ASB7: variants seen among roughly 807,000 people sequenced by gnomAD.
ASB7 encodes the protein ankyrin repeat and SOCS box containing 7, also known as ankyrin repeat and SOCS box protein 7.
ASB7 carries 4 observed loss-of-function variants against 32.5 expected under a neutral mutation model. The observed-to-expected ratio is 0.12, with a 90% CI of 0.06 to 0.28. The LOEUF (loss-of-function observed/expected upper bound fraction) is 0.28. Among genes scored for constraint, ASB7 ranks in the 10% least tolerant of loss-of-function variants. The pLI, the probability that ASB7 is intolerant of heterozygous loss-of-function variation, is 1.00. For synonymous variants in ASB7, 172 were observed against 155.6 expected (o/e 1.11, Z -0.78); for missense variants, 181 against 407.1 (o/e 0.44, Z 4.78).
In ASB7 at chr15:100,629,966, A is replaced by T; in HGVS notation, c.741A>T (p.Gly247=). ...GADTNTRNYE[G]QTPLAVSISI... is the part of the protein sequence containing the mutation. The stretch of plus-strand genomic sequence containing the variant: ...ACACGAACACACGGAACTATGAAGG[A>T]CAGACCCCATTGGCTGTTTCAATAA... Residue 247 remains glycine (G), a synonymous_variant, in exon 5 of 6, where the codon GGA becomes GGT. Transcript: ENST00000332783. This position sits in a 1 kb window ranked among gnomAD's most constrained non-coding sequence, Gnocchi z 6.8. 6.2e-7 allele frequency: 1 copy of T among 1,614,184 alleles called. No homozygotes were observed. The highest frequency in any genetic ancestry group is 8.5e-7 in the Non-Finnish European group (1 of 1,180,006).
intron 4 of ASB7, among the ~76,000 whole-genome samples, chr15:100,618,055 A>G (rs1287802286): frequency 1.3e-5 from 2 of 152,322 alleles, no homozygotes; most frequent in African/African-American, 2.4e-5. Context: ...CCTGGGCTCA[A>G]GCAGTCCTCC....
At chr15:100,621,141 T>G (rs1369545433) in intron 4 of ASB7, among the ~76,000 whole-genome samples, 1 of 152,240 alleles carries the variant, frequency 6.6e-6, no homozygotes, top group African/African-American at 2.4e-5. Context: ...TTTAGCAGTA[T>G]GTATTGAAGT....
chr15:100,623,720 C>G (rs1170202106), intron 4 of ASB7, among the ~76,000 whole-genome samples: 1 of 151,650 alleles, frequency 6.6e-6, no homozygotes, highest in Non-Finnish European at 1.5e-5. Context: ...ATCCAGCAGT[C>G]AAAGAAAACT....
rs74555316 is a variant in ASB7, at chr15:100,631,523, A to G, written c.817+1481A>G. 9.7e-3 allele frequency among the ~76,000 whole-genome samples: 1,470 copies of G among 152,190 alleles called. 33 individuals are homozygous for G. Among genetic ancestry groups the G allele is most frequent in the African/African-American group, 0.034 (1,399 of 41,536 alleles). Reference sequence around the variant, plus strand: ...TGCTTGCCTTGTTGTTGTTCTCTCAACTTCTACATTAGAGACTTAGTTATG... The same window carrying G: ...TGCTTGCCTTGTTGTTGTTCTCTCAGCTTCTACATTAGAGACTTAGTTATG... On this transcript the variant is annotated intron_variant, in intron 5 of 5. Transcript: ENST00000332783.
At chr15:100,615,389 C>T (rs777534093) in intron 4 of ASB7, among the ~76,000 whole-genome samples, 36 of 152,190 alleles carry the variant, frequency 2.4e-4, no homozygotes, top group Non-Finnish European at 3.5e-4. Flanking sequence ...AAAACATTGT[C>T]ATTACCCCCA....
intron 4 of ASB7, among the ~76,000 whole-genome samples, chr15:100,628,390 GTAT>G (rs148032195): frequency 9.8e-5 from 15 of 152,316 alleles, no homozygotes; most frequent in African/African-American, 3.6e-4. Flanking sequence ...CTGTGTGTGT[GTAT>G]GTATGTGTAG....
At chr15:100,646,305 A>C (rs961034101) in intron 5 of ASB7, 1 of 390,312 alleles carries the variant, frequency 2.6e-6, no homozygotes, top group East Asian at 5.9e-5. Context: ...TCTCATCATA[A>C]GAACCAGTCA....
In ASB7 at chr15:100,649,552, T is replaced by C. The variant is rs1022210081; in HGVS notation, c.*1090T>C. On this transcript the variant is annotated 3_prime_UTR_variant, in exon 6 of 6. Transcript: ENST00000332783. ...AAAAAAACTTTTTAAGCGTAAAATC[T>C]TTAAGGGGTACACATTTATAAGTCT... is the stretch of plus-strand genomic sequence containing the variant. 2.6e-5 allele frequency: 4 copies of C among 152,224 alleles called. No individual in the cohort carries two copies. Among genetic ancestry groups the C allele is most frequent in the African/African-American group, 9.6e-5 (4 of 41,460 alleles). 9.4% of individuals were successfully genotyped at this position (152,224 alleles called of 1,614,324 possible).
chr15:100,637,576 G>A (rs1183220561), intron 5 of ASB7, among the ~76,000 whole-genome samples: 2 of 152,160 alleles, frequency 1.3e-5, no homozygotes, highest in Admixed American at 6.5e-5. Flanking sequence ...ATGGATAAAC[G>A]ATCCATTTCA....
At position 100,627,790 on chromosome 15, in the gene ASB7, G is replaced by A. The variant is rs571001145; in HGVS notation, c.212-1647G>A. On this transcript the variant is annotated intron_variant, in intron 4 of 5. Transcript: ENST00000332783. Reference sequence around the variant, plus strand: ...GATTAAGAGGGAATGTCTGCCAGCAGTTGACTGGCCAGGTATAGATTAGAA... The same window carrying A: ...GATTAAGAGGGAATGTCTGCCAGCAATTGACTGGCCAGGTATAGATTAGAA... Among the ~76,000 whole-genome samples the A allele has an allele frequency of 2.6e-5, 4 of 152,330 alleles. No homozygotes were observed. The East Asian group carries it at 7.7e-4, about 29-fold the overall frequency.
chr15:100,606,108 T>C (rs892093666), intron 2 of ASB7, among the ~76,000 whole-genome samples: 4 of 152,212 alleles, frequency 2.6e-5, no homozygotes, highest in African/African-American at 9.6e-5. Context: ...ATCTCAGCCA[T>C]GTTCTCCGTT....
At chr15:100,635,566 C>G (rs1043855271) in intron 5 of ASB7, among the ~76,000 whole-genome samples, 1 of 152,160 alleles carries the variant, frequency 6.6e-6, no homozygotes, top group African/African-American at 2.4e-5. Flanking sequence ...GTTTCTGTCC[C>G]GTGTCTTGGC....
At chr15:100,623,914 A>T (rs1357453671) in intron 4 of ASB7, among the ~76,000 whole-genome samples, 2 of 152,250 alleles carry the variant, frequency 1.3e-5, no homozygotes, top group Non-Finnish European at 2.9e-5. Context: ...AGCACTATTC[A>T]CAATAGCAAA....
At chr15:100,614,575 A>G (rs1268640329) in intron 4 of ASB7, among the ~76,000 whole-genome samples, 1 of 152,068 alleles carries the variant, frequency 6.6e-6, no homozygotes, top group Non-Finnish European at 1.5e-5. Flanking sequence ...GTGTTCCAGT[A>G]AAACTTTATC....
chr15:100,624,904 A>T (rs545523948), intron 4 of ASB7, among the ~76,000 whole-genome samples: 20 of 43,788 alleles, frequency 4.6e-4, no homozygotes, highest in African/African-American at 6.6e-4. Flanking sequence ...ATTGGTGTAT[A>T]AAAAAAAATA....
chr15:100,615,647 C>T (rs143017232), intron 4 of ASB7, among the ~76,000 whole-genome samples: 1 of 152,332 alleles, frequency 6.6e-6, no homozygotes, highest in East Asian at 1.9e-4. Context: ...GTCCTTTACT[C>T]TTCTTCTAGA....
chr15:100,629,777 G>A lies in ASB7; in HGVS notation c.552G>A (p.Leu184=). ...TCGACATTCAGAATGGTTTCCTGTTGCGATACGCCGTGATCAAAAGCAATC... is the reference window on the plus strand; with the variant it reads ...TCGACATTCAGAATGGTTTCCTGTTACGATACGCCGTGATCAAAAGCAATC... ...ANIDIQNGFL[L]RYAVIKSNHS... Residue 184 remains leucine (L), a synonymous_variant, in exon 5 of 6, where the codon TTG becomes TTA. Transcript: ENST00000332783. The surrounding 1 kb of genome is among the most constrained non-coding windows in gnomAD (Gnocchi z 6.8). 1 of 1,614,208 alleles carries A rather than the reference G, an allele frequency of 6.2e-7. No individual in the cohort carries two copies. Among genetic ancestry groups the A allele is most frequent in the African/African-American group, 1.3e-5 (1 of 75,050 alleles).
intron 2 of ASB7, among the ~76,000 whole-genome samples, chr15:100,608,937 A>T (rs2039671149): frequency 6.6e-6 from 1 of 152,136 alleles, no homozygotes; most frequent in Non-Finnish European, 1.5e-5. Context: ...GGTTTAAGTG[A>T]TGCTCACCCA....
chr15:100,637,600 C>T (rs937390415), intron 5 of ASB7, among the ~76,000 whole-genome samples: 3 of 152,094 alleles, frequency 2.0e-5, no homozygotes, highest in African/African-American at 7.3e-5. Flanking sequence ...GCAAGGTGAA[C>T]CAATGGATTT....
Sources: gnomAD v4.1 joint callset for allele counts (sites outside exome capture counted in the v4.1 genomes callset) on GRCh38, gnomAD v4.1.1 for gene constraint, Gnocchi (gnomAD v3.1) non-coding constraint, MANE v1.5 for transcripts, NCBI Gene and HGNC (gene_info 2026-07-23, HGNC 2026-07-21) for gene names.